Variants in AMPH observed in about 807,000 individuals in gnomAD.
The protein encoded by AMPH is amphiphysin.
Under a neutral mutation model 99.1 loss-of-function variants are expected in AMPH, and 49 were observed. That is an observed-to-expected ratio of 0.49 (90% confidence interval 0.39 to 0.63). The LOEUF is 0.63. Ranked by LOEUF, AMPH falls within the 20% of genes least tolerant of loss-of-function variation. The probability of loss-of-function intolerance (pLI) is 0.00; values close to 1 mark genes in which losing one functional copy is unlikely to be tolerated. For synonymous variants in AMPH, 314 were observed against 317.3 expected, an observed-to-expected ratio of 0.99 and a Z score of 0.11; for missense variants, 759 against 863.4, an observed-to-expected ratio of 0.88 and a Z score of 1.52.
At chr7:38,439,619 T>C (rs1199200737) in intron 11 of AMPH, among the ~76,000 whole-genome samples, 1 of 152,204 alleles carries the variant, frequency 6.6e-6, no homozygotes, top group Non-Finnish European at 1.5e-5. Context: ...ACACATGGTA[T>C]GGTCTCAACA....
rs563179403 is a variant in AMPH at position 38,610,105 on chromosome 7, G to A, written c.69+21178C>T. ...TACAAAACTAGCTGGATGTGGTGGC[G>A]CATGCCTGTAATCCCAGCTACTCGG... On this transcript the variant is annotated intron_variant, in intron 1 of 20. Coordinates refer to ENST00000356264, the MANE Select transcript of AMPH (RefSeq NM_001635.4). Among the ~76,000 whole-genome samples, 51 of 150,486 alleles carry A rather than the reference G, an allele frequency of 3.4e-4. No homozygotes were observed. The South Asian group carries it at 0.011, about 31-fold the overall frequency.
At chr7:38,388,683 A>C (rs1485027215) in intron 20 of AMPH, among the ~76,000 whole-genome samples, 1 of 143,258 alleles carries the variant, frequency 7.0e-6, no homozygotes, top group Admixed American at 6.9e-5. Flanking sequence ...TCTGTTACCC[A>C]GGCTGGAGTG....
chr7:38,495,305 A>T (rs991548644), intron 3 of AMPH, among the ~76,000 whole-genome samples: 2 of 152,244 alleles, frequency 1.3e-5, no homozygotes, highest in African/African-American at 4.8e-5. Context: ...ACATTGAAAT[A>T]AATGAGAGCA....
At chr7:38,577,441 T>C (rs962250926) in intron 1 of AMPH, among the ~76,000 whole-genome samples, 1 of 152,204 alleles carries the variant, frequency 6.6e-6, no homozygotes, top group Non-Finnish European at 1.5e-5. Context: ...CACATTACCA[T>C]TGTGGTTTAG....
chr7:38,535,640 C>T (rs1790570056), intron 1 of AMPH, among the ~76,000 whole-genome samples: 1 of 152,088 alleles, frequency 6.6e-6, no homozygotes, highest in African/African-American at 2.4e-5. Flanking sequence ...TCAGTGGGAA[C>T]CCTGAGCTTG....
intron 2 of AMPH, among the ~76,000 whole-genome samples, chr7:38,508,965 C>T (rs1789435944): frequency 6.6e-6 from 1 of 152,128 alleles, no homozygotes; most frequent in South Asian, 2.1e-4. Context: ...AGACATTAGG[C>T]CACTGAGCAC....
At chr7:38,416,131 T>C (rs1051652136) in intron 17 of AMPH, among the ~76,000 whole-genome samples, 2 of 77,472 alleles carry the variant, frequency 2.6e-5, no homozygotes, top group Middle Eastern at 5.7e-3. Flanking sequence ...ATATATTAGC[T>C]ATTACATAGT....
chr7:38,468,360 T>C (rs1264908658), intron 7 of AMPH, among the ~76,000 whole-genome samples: 2 of 152,198 alleles, frequency 1.3e-5, no homozygotes, highest in Non-Finnish European at 2.9e-5. Context: ...TATCAATATG[T>C]AATGGCACTT....
intron 20 of AMPH, among the ~76,000 whole-genome samples, chr7:38,387,795 A>C (rs1029866065): frequency 1.3e-5 from 2 of 151,702 alleles, no homozygotes; most frequent in African/African-American, 2.4e-5. Context: ...AAAAAAAAAA[A>C]ACCTACCCAA....
Position 38,631,277 on chromosome 7 carries a change from G to T in AMPH, c.69+6C>A, listed in dbSNP as rs1397476826. 6.6e-7 allele frequency: 1 copy of T among 1,524,630 alleles called. No homozygotes were observed. Among genetic ancestry groups the T allele is most frequent in the Admixed American group, 2.0e-5 (1 of 48,958 alleles). 94.4% of individuals were successfully genotyped at this position (1,524,630 alleles called of 1,614,324 possible). ...CCGGCCCCAGCCCCGGCCGCCCGCC[G>T]CTGACCTTTTCCTGCGCGCGGTTGA... On this transcript the variant is annotated splice_donor_region_variant and intron_variant, in intron 1 of 20. Transcript: ENST00000356264.
At chr7:38,525,773 C>T (rs538559643) in intron 2 of AMPH, among the ~76,000 whole-genome samples, 27 of 152,120 alleles carry the variant, frequency 1.8e-4, no homozygotes, top group Admixed American at 2.6e-4. Context: ...GGTGTGTGGC[C>T]GTAGTTATTT....
At chr7:38,543,361 A>T (rs762627840) in intron 1 of AMPH, among the ~76,000 whole-genome samples, 2 of 152,242 alleles carry the variant, frequency 1.3e-5, no homozygotes, top group Admixed American at 6.5e-5. Context: ...AGGATTTCAA[A>T]TGGGAGCTGT....
intron 2 of AMPH, among the ~76,000 whole-genome samples, chr7:38,522,816 G>A (rs1790020096): frequency 6.6e-6 from 1 of 152,034 alleles, no homozygotes; most frequent in Non-Finnish European, 1.5e-5. Flanking sequence ...AATCTAGAAA[G>A]GGGGAAGGCC....
intron 15 of AMPH, among the ~76,000 whole-genome samples, chr7:38,424,409 G>T (rs916335837): frequency 6.6e-6 from 1 of 152,180 alleles, no homozygotes; most frequent in Non-Finnish European, 1.5e-5. Flanking sequence ...AGATATAATG[G>T]AAGAGAATCA....
At chr7:38,485,653 C>T (rs1444398100) in intron 5 of AMPH, among the ~76,000 whole-genome samples, 1 of 151,748 alleles carries the variant, frequency 6.6e-6, no homozygotes, top group Non-Finnish European at 1.5e-5. Context: ...ATATTCAATC[C>T]AACAACAGCA....
At chr7:38,470,119 C>T (rs1257735873) in intron 7 of AMPH, among the ~76,000 whole-genome samples, 1 of 152,190 alleles carries the variant, frequency 6.6e-6, no homozygotes, top group Non-Finnish European at 1.5e-5. Flanking sequence ...AACACCCTTC[C>T]TCCTTGTCCT....
At chr7:38,502,291 T>C (rs1342536272) in intron 3 of AMPH, among the ~76,000 whole-genome samples, 2 of 152,194 alleles carry the variant, frequency 1.3e-5, no homozygotes, top group Non-Finnish European at 2.9e-5. Context: ...TTACTGTATT[T>C]TATTCTAGTA....
intron 2 of AMPH, among the ~76,000 whole-genome samples, chr7:38,526,625 T>G (rs1253146164): frequency 6.6e-6 from 1 of 152,072 alleles, no homozygotes; most frequent in African/African-American, 2.4e-5. Context: ...TAACTTATTT[T>G]TACTACGGAG....
At chr7:38,601,192 CA>C (rs1793234029) in intron 1 of AMPH, among the ~76,000 whole-genome samples, 1 of 152,132 alleles carries the variant, frequency 6.6e-6, no homozygotes, top group Non-Finnish European at 1.5e-5. Flanking sequence ...TCCAGGCATC[CA>C]AATGTCAAGG....
Sources: gnomAD v4.1 joint callset for allele counts (sites outside exome capture counted in the v4.1 genomes callset) on GRCh38, gnomAD v4.1.1 for gene constraint, MANE v1.5 for transcripts, NCBI Gene and HGNC (gene_info 2026-07-23, HGNC 2026-07-21) for gene names.